PACS1: variants seen among roughly 807,000 people sequenced by gnomAD.
The protein encoded by PACS1 is PACS-1.
In PACS1, 24 loss-of-function variants were observed where a neutral mutation model predicts 115.0. That is an observed-to-expected ratio of 0.21 (90% confidence interval 0.15 to 0.29). PACS1 has a LOEUF of 0.29. PACS1 is among the 10% of genes least tolerant of loss of function. The pLI is 1.00. For synonymous variants in PACS1, 453 were observed against 504.5 expected, an observed-to-expected ratio of 0.90 and a Z score of 1.37; for missense variants, 838 against 1,251.2, an observed-to-expected ratio of 0.67 and a Z score of 4.98.
At chr11:66,160,609 A>G (rs1246039665) in intron 1 of PACS1, among the ~76,000 whole-genome samples, 1 of 148,860 alleles carries the variant, frequency 6.7e-6, no homozygotes, top group Non-Finnish European at 1.5e-5. Context: ...TGATTCTCCC[A>G]CCTCAGCCTC....
chr11:66,101,845 T>C (rs1318601887), intron 1 of PACS1, among the ~76,000 whole-genome samples: 1 of 152,236 alleles, frequency 6.6e-6, no homozygotes, highest in Non-Finnish European at 1.5e-5. Flanking sequence ...CTGTCTCGCT[T>C]AGCATCACTT....
At chr11:66,232,095 A>G in intron 13 of PACS1, 77 bp from the exon 14 acceptor site, 1 of 864,162 alleles carries the variant, frequency 1.2e-6, no homozygotes, top group Non-Finnish European at 2.0e-6. Context: ...GAGACTCCCC[A>G]TGCACCAGTC....
rs535906300 is a variant in PACS1 at position 66,136,347 on chromosome 11, A to T, written c.357-57139A>T. 2.4e-3 allele frequency among the ~76,000 whole-genome samples: 364 copies of T among 151,774 alleles called. 3 individuals are homozygous for T. Among genetic ancestry groups the T allele is most frequent in the African/African-American group, 8.4e-3 (347 of 41,278 alleles). On this transcript the variant is annotated intron_variant, in intron 1 of 23. Coordinates refer to ENST00000320580, the MANE Select transcript of PACS1 (RefSeq NM_018026.4). ...GTCACACACACACACACACACACACACACACACCAAAAACCAAAACAAACC... is the reference window on the plus strand; with the variant it reads ...GTCACACACACACACACACACACACTCACACACCAAAAACCAAAACAAACC...
intron 11 of PACS1, among the ~76,000 whole-genome samples, chr11:66,228,794 G>T (rs929025570): frequency 3.2e-4 from 48 of 152,154 alleles, no homozygotes; most frequent in Non-Finnish European, 6.2e-4. Flanking sequence ...GTTCTGTCTT[G>T]ATCTGGTTAA....
chr11:66,084,533 C>T (rs923915807), intron 1 of PACS1, among the ~76,000 whole-genome samples: 12 of 151,870 alleles, frequency 7.9e-5, no homozygotes, highest in African/African-American at 2.7e-4. Flanking sequence ...GGTCAGGGGG[C>T]TGCTGTGATG....
chr11:66,155,218 G>A (rs1362249423), intron 1 of PACS1, among the ~76,000 whole-genome samples: 1 of 152,192 alleles, frequency 6.6e-6, no homozygotes, highest in Non-Finnish European at 1.5e-5. Context: ...ACTTCTGGGT[G>A]TGAAAAGATT....
intron 11 of PACS1, among the ~76,000 whole-genome samples, chr11:66,229,786 G>T (rs1855545290): frequency 6.6e-6 from 1 of 151,804 alleles, no homozygotes; most frequent in African/African-American, 2.4e-5. Flanking sequence ...TACTAAAAAA[G>T]AAATACAAAA....
chr11:66,135,419 A>G (rs890489101), intron 1 of PACS1, among the ~76,000 whole-genome samples: 1 of 152,132 alleles, frequency 6.6e-6, no homozygotes, highest in African/African-American at 2.4e-5. Flanking sequence ...CAGAATCTTT[A>G]TGGGTTTTTG....
At chr11:66,206,309 A>G (rs988619320) in intron 2 of PACS1, among the ~76,000 whole-genome samples, 2 of 152,258 alleles carry the variant, frequency 1.3e-5, no homozygotes, top group Non-Finnish European at 2.9e-5. Flanking sequence ...ATACAAAAGT[A>G]TATTAAAAAT....
intron 1 of PACS1, among the ~76,000 whole-genome samples, chr11:66,145,648 C>T (rs2134600638): frequency 6.6e-6 from 1 of 152,302 alleles, no homozygotes; most frequent in South Asian, 2.1e-4. Flanking sequence ...CCCTGGTTGG[C>T]TGGGAATCTG....
chr11:66,120,892 G>A (rs547689000), intron 1 of PACS1: 6 of 403,252 alleles, frequency 1.5e-5, no homozygotes, highest in East Asian at 7.3e-5. Context: ...TTCAAGGGAC[G>A]TCTTCATGAA....
intron 1 of PACS1, among the ~76,000 whole-genome samples, chr11:66,140,486 C>T (rs1472263100): frequency 6.6e-6 from 1 of 152,140 alleles, no homozygotes; most frequent in Non-Finnish European, 1.5e-5. Context: ...GTAACTTGTA[C>T]TCTGCCGTCA....
intron 7 of PACS1, chr11:66,217,056 C>G: frequency 6.8e-6 from 3 of 440,694 alleles, no homozygotes; most frequent in Non-Finnish European, 1.2e-5. Flanking sequence ...AGTGGTCCAT[C>G]AGGGAACAGA....
intron 1 of PACS1, among the ~76,000 whole-genome samples, chr11:66,121,989 G>A (rs1858453970): frequency 6.6e-6 from 1 of 152,188 alleles, no homozygotes; most frequent in Admixed American, 6.5e-5. Context: ...AGAGTGTTCT[G>A]TTGGAAGAAG....
rs559662560 is a variant in PACS1 at position 66,214,206 on chromosome 11, T to C, written c.661-1913T>C. On this transcript the variant is annotated intron_variant, in intron 4 of 23. Transcript: ENST00000320580. The stretch of plus-strand genomic sequence containing the variant: ...TTTAGTAAATTAAATAGGAACAATT[T>C]TGTGGCCATGATAGAAAATTTGAGA... 1.6e-4 allele frequency among the ~76,000 whole-genome samples: 25 copies of C among 152,250 alleles called. No homozygotes were observed. In the East Asian group the frequency reaches 3.1e-3, roughly 19 times the overall value.
rs368922927 is a variant in PACS1, at chr11:66,151,479, C to T, written c.357-42007C>T. On this transcript the variant is annotated intron_variant, in intron 1 of 23. Coordinates refer to ENST00000320580, the MANE Select transcript of PACS1 (RefSeq NM_018026.4). Reference sequence around the variant, plus strand: ...ATCCCTGGCTGTCTGCCAGATTACACAGAAGCATGGGAGACCCCAGGGAGC... The same window carrying T: ...ATCCCTGGCTGTCTGCCAGATTACATAGAAGCATGGGAGACCCCAGGGAGC... Among the ~76,000 whole-genome samples the T allele has an allele frequency of 7.5e-4, 114 of 152,186 alleles. 3 individuals carry two copies. In the South Asian group the frequency reaches 0.023, roughly 31 times the overall value.
intron 8 of PACS1, chr11:66,220,170 C>T (rs1195400617): frequency 2.8e-6 from 1 of 351,260 alleles, no homozygotes; most frequent in Non-Finnish European, 5.4e-6. Flanking sequence ...GTGGAAATGT[C>T]CTTGTTGGTC....
intron 2 of PACS1, among the ~76,000 whole-genome samples, chr11:66,195,931 A>G (rs1381401477): frequency 6.6e-6 from 1 of 152,232 alleles, no homozygotes; most frequent in Non-Finnish European, 1.5e-5. Context: ...ATACTGTGGC[A>G]TTATTTGCCT....
At chr11:66,217,333 G>A in intron 7 of PACS1, 1 of 328,842 alleles carries the variant, frequency 3.0e-6, no homozygotes. Context: ...AAGAGTCACT[G>A]TTTTGATGAC....
Sources: gnomAD v4.1 joint callset for allele counts (sites outside exome capture counted in the v4.1 genomes callset) on GRCh38, gnomAD v4.1.1 for gene constraint, MANE v1.5 for transcripts, NCBI Gene and HGNC (gene_info 2026-07-23, HGNC 2026-07-21) for gene names.